Variants in ITFG1 observed in about 807,000 individuals in gnomAD.
ITFG1 encodes the protein T-cell immunomodulatory protein.
Under a neutral mutation model 81.8 loss-of-function variants are expected in ITFG1, and 34 were observed. The ratio of observed to expected loss-of-function variants is 0.42; its 90% confidence interval spans 0.32 to 0.55. The LOEUF (loss-of-function observed/expected upper bound fraction) is 0.55, where lower values mean the gene tolerates loss of function less well. Among genes scored for constraint, ITFG1 ranks in the 20% least tolerant of loss-of-function variants. ITFG1 has a pLI of 0.17. For missense variants in ITFG1, 672 were observed against 755.4 expected, an observed-to-expected ratio of 0.89 and a Z score of 1.29; for synonymous variants, 285 against 270.6, an observed-to-expected ratio of 1.05 and a Z score of -0.52.
intron 14 of ITFG1, among the ~76,000 whole-genome samples, chr16:47,215,821 T>G (rs1354724200): frequency 6.6e-6 from 1 of 152,244 alleles, no homozygotes; most frequent in Admixed American, 6.5e-5. Flanking sequence ...CATTTAGATT[T>G]TTTTCAAGTT....
At chr16:47,426,837 G>A (rs1969026874) in intron 6 of ITFG1, among the ~76,000 whole-genome samples, 2 of 152,182 alleles carry the variant, frequency 1.3e-5, no homozygotes, top group Non-Finnish European at 1.5e-5. Context: ...ATTAGGTTTT[G>A]CATCATGGAA....
chr16:47,258,495 T>C (rs1966164786), intron 12 of ITFG1, 137 bp downstream of exon 12: 6 of 549,362 alleles, frequency 1.1e-5, no homozygotes, highest in South Asian at 4.8e-5. Flanking sequence ...ATGGGGTCTA[T>C]GTATATAGAC....
chr16:47,417,342 G>C (rs1458595812), intron 6 of ITFG1, among the ~76,000 whole-genome samples: 1 of 152,206 alleles, frequency 6.6e-6, no homozygotes, highest in Admixed American at 6.5e-5. Context: ...AATATATAAT[G>C]ATCAAACTAG....
At chr16:47,180,310 A>G (rs1166221647) in intron 14 of ITFG1, among the ~76,000 whole-genome samples, 1 of 152,108 alleles carries the variant, frequency 6.6e-6, no homozygotes, top group Non-Finnish European at 1.5e-5. Context: ...GGCTTGAACA[A>G]ACGTGTAGGG....
At chr16:47,237,541 A>C (rs1237124097) in intron 13 of ITFG1, among the ~76,000 whole-genome samples, 1 of 152,226 alleles carries the variant, frequency 6.6e-6, no homozygotes, top group African/African-American at 2.4e-5. Context: ...ACAGCAAGTC[A>C]ATATTAAGAC....
At chr16:47,210,106 G>C (rs1965546485) in intron 14 of ITFG1, among the ~76,000 whole-genome samples, 1 of 152,136 alleles carries the variant, frequency 6.6e-6, no homozygotes, top group African/African-American at 2.4e-5. Flanking sequence ...TGCATGTCTA[G>C]TTTTTTAAGA....
chr16:47,429,549 C>A (rs552649875), intron 5 of ITFG1, among the ~76,000 whole-genome samples: 2 of 152,306 alleles, frequency 1.3e-5, no homozygotes, highest in African/African-American at 4.8e-5. Flanking sequence ...TTGTACCCAG[C>A]AATGTAGGAG....
chr16:47,267,819 A>G, intron 10 of ITFG1, among the ~76,000 whole-genome samples: 1 of 152,174 alleles, frequency 6.6e-6, no homozygotes, highest in East Asian at 1.9e-4. Context: ...ATGAGTACAA[A>G]GAAAAATTCG....
chr16:47,226,604 C>T (rs1170430885), intron 13 of ITFG1, among the ~76,000 whole-genome samples: 5 of 147,400 alleles, frequency 3.4e-5, no homozygotes, highest in Non-Finnish European at 3.0e-5. Flanking sequence ...TTCCCACCTA[C>T]GAGTGACAAC....
intron 12 of ITFG1, among the ~76,000 whole-genome samples, chr16:47,241,082 AACTC>A (rs922639190): frequency 6.6e-6 from 1 of 152,180 alleles, no homozygotes; most frequent in Non-Finnish European, 1.5e-5. Flanking sequence ...AAAAAAAAAA[AACTC>A]ACAATGAGTT....
chr16:47,288,817 A>G (rs1966880444), intron 10 of ITFG1, among the ~76,000 whole-genome samples: 1 of 151,968 alleles, frequency 6.6e-6, no homozygotes, highest in Non-Finnish European at 1.5e-5. Context: ...AATCGCTTGA[A>G]CCCAAGAAGT....
intron 13 of ITFG1, among the ~76,000 whole-genome samples, chr16:47,230,035 T>C (rs1965798269): frequency 6.6e-6 from 1 of 152,212 alleles, no homozygotes; most frequent in South Asian, 2.1e-4. Context: ...AACTAAGCTT[T>C]ATCATAGGTA....
rs370199146 is a variant in ITFG1, at chr16:47,323,874, G to C, written c.803-10051C>G. Among the ~76,000 whole-genome samples, 21 of 152,098 alleles carry C rather than the reference G, an allele frequency of 1.4e-4. No individual in the cohort carries two copies. The East Asian group carries it at 2.3e-3, about 17-fold the overall frequency. ...TTGTTTATTTTACTTTCTGAAGTCT[G>C]GAAGAGAACAGGGAGAGGAAGACGG... On this transcript the variant is annotated intron_variant, in intron 8 of 17. Transcript: ENST00000320640.
chr16:47,457,667 CACAA>C (rs1479136062), intron 2 of ITFG1, among the ~76,000 whole-genome samples: 4 of 151,992 alleles, frequency 2.6e-5, no homozygotes, highest in Non-Finnish European at 5.9e-5. Flanking sequence ...TAAATTATAA[CACAA>C]ACAAGAGTTT....
intron 8 of ITFG1, among the ~76,000 whole-genome samples, chr16:47,318,753 CT>C (rs1967404380): frequency 6.6e-6 from 1 of 152,024 alleles, no homozygotes; most frequent in South Asian, 2.1e-4. Context: ...TGAAAAATAA[CT>C]TTTACAAAAC....
intron 3 of ITFG1, among the ~76,000 whole-genome samples, chr16:47,453,507 T>A (rs544254758): frequency 9.9e-5 from 15 of 152,208 alleles, no homozygotes; most frequent in Admixed American, 2.0e-4. Flanking sequence ...ACTGTGAGTC[T>A]TAAAGGCATG....
intron 14 of ITFG1, among the ~76,000 whole-genome samples, chr16:47,210,938 G>A: frequency 6.6e-6 from 1 of 152,060 alleles, no homozygotes; most frequent in Non-Finnish European, 1.5e-5. Flanking sequence ...TTAGGTTGGT[G>A]CAAAAGTAAT....
At chr16:47,223,792 A>G (rs1965723822) in intron 13 of ITFG1, among the ~76,000 whole-genome samples, 2 of 152,232 alleles carry the variant, frequency 1.3e-5, no homozygotes, top group Non-Finnish European at 2.9e-5. Context: ...ACTATTTGTA[A>G]TAGCAAAGAC....
intron 6 of ITFG1, among the ~76,000 whole-genome samples, chr16:47,402,162 C>A (rs1268908388): frequency 6.6e-6 from 1 of 152,070 alleles, no homozygotes; most frequent in Non-Finnish European, 1.5e-5. Flanking sequence ...CTGAAACTCA[C>A]CGAATCTTTA....
Sources: gnomAD v4.1 joint callset for allele counts (sites outside exome capture counted in the v4.1 genomes callset) on GRCh38, gnomAD v4.1.1 for gene constraint, MANE v1.5 for transcripts, NCBI Gene and HGNC (gene_info 2026-07-23, HGNC 2026-07-21) for gene names.